TAOK1: variants seen among roughly 807,000 people sequenced by gnomAD.
TAOK1 encodes the protein TAO kinase 1, also known as serine/threonine-protein kinase TAO1.
Under a neutral mutation model 138.3 loss-of-function variants are expected in TAOK1, and 21 were observed. The ratio of observed to expected loss-of-function variants is 0.15; its 90% confidence interval spans 0.11 to 0.22. The LOEUF is 0.22. Among genes scored for constraint, TAOK1 ranks in the 10% least tolerant of loss-of-function variants. The pLI is 1.00. For missense variants in TAOK1, 651 were observed against 1,227.7 expected (o/e 0.53, Z 7.02); for synonymous variants, 361 against 398.4 (o/e 0.91, Z 1.12).
chr17:29,416,005 G>A (rs1905255659), intron 1 of TAOK1, among the ~76,000 whole-genome samples: 1 of 152,188 alleles, frequency 6.6e-6, no homozygotes, highest in African/African-American at 2.4e-5. Flanking sequence ...CCTCATGCCT[G>A]TAATCCTAGC....
chr17:29,535,511 C>T (rs529139641), intron 19 of TAOK1, among the ~76,000 whole-genome samples: 2 of 152,194 alleles, frequency 1.3e-5, no homozygotes, highest in Non-Finnish European at 2.9e-5. Context: ...GATTTTTCCT[C>T]TATTTCCTAT....
At chr17:29,512,319 C>T (rs2031735558) in intron 15 of TAOK1, 1 of 151,838 alleles carries the variant, frequency 6.6e-6, no homozygotes, top group African/African-American at 2.4e-5. Context: ...CTCGGCCCCC[C>T]AAAGTGCTGG....
chr17:29,514,604 C>T (rs868723354), intron 15 of TAOK1: 2 of 152,132 alleles, frequency 1.3e-5, no homozygotes, highest in African/African-American at 4.8e-5. Context: ...TCAAGCAATC[C>T]TCCGGCCTTG....
At chr17:29,414,598 C>T (rs911849482) in intron 1 of TAOK1, among the ~76,000 whole-genome samples, 2 of 151,042 alleles carry the variant, frequency 1.3e-5, no homozygotes, top group Middle Eastern at 3.5e-3. Context: ...ACTCTGTCAC[C>T]GAGGCTGGAG....
chr17:29,396,990 CAAAAAAAAA>C (rs555104841), intron 1 of TAOK1, among the ~76,000 whole-genome samples: 21 of 69,548 alleles, frequency 3.0e-4, no homozygotes, highest in African/African-American at 1.2e-3. Context: ...AACTCTGTCT[CAAAAAAAAA>C]AAAAAAAAAA....
At chr17:29,500,699 C>G (rs1393270244) in intron 12 of TAOK1, among the ~76,000 whole-genome samples, 1 of 151,682 alleles carries the variant, frequency 6.6e-6, no homozygotes, top group Non-Finnish European at 1.5e-5. Context: ...CGAGATCATG[C>G]CACTGCACTC....
At chr17:29,405,723 G>A (rs745818427) in intron 1 of TAOK1, among the ~76,000 whole-genome samples, 5 of 152,180 alleles carry the variant, frequency 3.3e-5, no homozygotes, top group Admixed American at 6.5e-5. Context: ...AGTTTGCAGT[G>A]AGCCGACATC....
chr17:29,391,443 C>G (rs1415419095), intron 1 of TAOK1, among the ~76,000 whole-genome samples: 1 of 152,190 alleles, frequency 6.6e-6, no homozygotes, highest in Non-Finnish European at 1.5e-5. Flanking sequence ...CACCCCCTAG[C>G]ACAGGAAATC....
chr17:29,439,920 T>C (rs1371110468), intron 1 of TAOK1, among the ~76,000 whole-genome samples: 1 of 148,408 alleles, frequency 6.7e-6, no homozygotes, highest in Non-Finnish European at 1.5e-5. Flanking sequence ...AATATAATAG[T>C]GGGGAGTTAT....
At chr17:29,523,074 CAAAAAA>C (rs35989910) in intron 17 of TAOK1, among the ~76,000 whole-genome samples, 4 of 110,888 alleles carry the variant, frequency 3.6e-5, no homozygotes, top group Admixed American at 9.4e-5. Context: ...GACCCTGTCT[CAAAAAA>C]AAAAAAAAAA....
intron 3 of TAOK1, among the ~76,000 whole-genome samples, chr17:29,467,630 G>T (rs531298123): frequency 8.6e-5 from 13 of 151,926 alleles, no homozygotes; most frequent in South Asian, 6.2e-4. Context: ...TGGGGAGGAA[G>T]GGTGGGAATT....
intron 1 of TAOK1, among the ~76,000 whole-genome samples, chr17:29,420,498 C>T (rs1313427800): frequency 1.3e-5 from 2 of 150,828 alleles, no homozygotes; most frequent in African/African-American, 4.9e-5. Context: ...TTCTTCTTGC[C>T]TTGTTGCACT....
rs118129092 is a variant in TAOK1, at chr17:29,476,088, A to G, written c.306+317A>G. ...GTTACTTGAGGTTGAAAGTTAGCATATGTTTTCTTGACATAAATGTACTGT... is the reference window on the plus strand; with the variant it reads ...GTTACTTGAGGTTGAAAGTTAGCATGTGTTTTCTTGACATAAATGTACTGT... On this transcript the variant is annotated intron_variant, in intron 4 of 19. Coordinates refer to ENST00000261716, the MANE Select transcript of TAOK1 (RefSeq NM_020791.4). 5.9e-5 allele frequency among the ~76,000 whole-genome samples: 9 copies of G among 152,356 alleles called. No individual in the cohort carries two copies. In the East Asian group the frequency reaches 1.4e-3, roughly 23 times the overall value.
intron 8 of TAOK1, among the ~76,000 whole-genome samples, chr17:29,484,669 A>G (rs1485858469): frequency 6.6e-6 from 1 of 152,008 alleles, no homozygotes; most frequent in Non-Finnish European, 1.5e-5. Flanking sequence ...TAGTGGCACA[A>G]TCTTGGCTCA....
At chr17:29,395,697 G>A (rs78013210) in intron 1 of TAOK1, among the ~76,000 whole-genome samples, 144 of 141,734 alleles carry the variant, frequency 1.0e-3, no homozygotes, top group African/African-American at 3.6e-3. Context: ...TTGCTGTGTC[G>A]CCCAGGTTGG....
chr17:29,431,198 C>T (rs1179396100), intron 1 of TAOK1, among the ~76,000 whole-genome samples: 1 of 152,012 alleles, frequency 6.6e-6, no homozygotes, highest in Non-Finnish European at 1.5e-5. Flanking sequence ...CCTTTTTGGT[C>T]AGGTTCTCAC....
chr17:29,452,386 G>A (rs963719270), intron 2 of TAOK1, among the ~76,000 whole-genome samples: 1 of 152,024 alleles, frequency 6.6e-6, no homozygotes, highest in African/African-American at 2.4e-5. Context: ...GACTTCCACT[G>A]ATTTCTACTT....
intron 1 of TAOK1, among the ~76,000 whole-genome samples, chr17:29,437,138 A>G (rs1468236300): frequency 6.6e-6 from 1 of 152,118 alleles, no homozygotes. Context: ...ATCTTGGCTC[A>G]CTGCCACCTC....
intron 1 of TAOK1, among the ~76,000 whole-genome samples, chr17:29,438,796 G>T (rs539984883): frequency 2.6e-5 from 4 of 152,160 alleles, no homozygotes; most frequent in Non-Finnish European, 5.9e-5. Context: ...CACCTCTTGA[G>T]CGAGTTTTAG....
Sources: allele counts gnomAD v4.1 joint callset (sites outside exome capture counted in the v4.1 genomes callset), GRCh38; gene constraint gnomAD v4.1.1; transcripts MANE v1.5; gene names NCBI Gene and HGNC (gene_info 2026-07-23, HGNC 2026-07-21).